Variants in UBR1 observed in about 807,000 individuals in gnomAD.
The protein encoded by UBR1 is ubiquitin protein ligase E3 component n-recognin 1.
A neutral mutation model predicts 242.1 loss-of-function variants in UBR1; 102 were observed. That is an observed-to-expected ratio of 0.42 (90% CI 0.36 to 0.50). UBR1 has a LOEUF of 0.50. UBR1 is among the 20% of genes least tolerant of loss of function. UBR1 has a pLI of 0.01. For synonymous variants in UBR1, 675 were observed against 684.8 expected, an observed-to-expected ratio of 0.99 and a Z score of 0.22; for missense variants, 1,772 against 2,101.8, an observed-to-expected ratio of 0.84 and a Z score of 3.07.
intron 35 of UBR1, among the ~76,000 whole-genome samples, chr15:42,985,773 G>A (rs2032449445): frequency 6.6e-6 from 1 of 151,988 alleles, no homozygotes. Context: ...AGGACTGCTT[G>A]AGCTCAGAAG....
intron 29 of UBR1, among the ~76,000 whole-genome samples, chr15:43,015,025 G>A (rs1256488103): frequency 6.6e-6 from 1 of 151,076 alleles, no homozygotes; most frequent in Non-Finnish European, 1.5e-5. Context: ...GGAGGTTGGG[G>A]GTCAGCCCCC....
intron 19 of UBR1, among the ~76,000 whole-genome samples, chr15:43,034,350 G>C (rs2033302023): frequency 6.6e-6 from 1 of 151,902 alleles, no homozygotes; most frequent in Non-Finnish European, 1.5e-5. Context: ...GCTGAGGTAA[G>C]AGAATCACTA....
intron 19 of UBR1, among the ~76,000 whole-genome samples, chr15:43,034,533 T>G (rs1323248680): frequency 6.6e-6 from 1 of 152,036 alleles, no homozygotes; most frequent in Non-Finnish European, 1.5e-5. Context: ...ATGTACATAC[T>G]GAAAGAGAGA....
intron 39 of UBR1, among the ~76,000 whole-genome samples, chr15:42,972,200 C>A (rs12440651): frequency 0.54 from 81,457 of 151,526 alleles, 26,525 homozygotes; most frequent in Non-Finnish European, 0.7. Context: ...CACCCTTACC[C>A]CTGGCAATCA....
intron 29 of UBR1, among the ~76,000 whole-genome samples, chr15:43,014,834 T>TG (rs199760106): frequency 7.0e-5 from 8 of 114,184 alleles, no homozygotes; most frequent in Non-Finnish European, 1.1e-4. Flanking sequence ...GGGAGGGAGG[T>TG]GGGGGTCAGC....
chr15:43,059,132 G>C lies in UBR1; in HGVS notation c.1046C>G (p.Pro349Arg). ...AAGCATTAACCTGCTTATGAGACAG[G>C]GATTCTCCGAGTCAGGTTCTTCTCT... ...CLREEPDSEN[P>R]CLISRLMLWD... The change falls in exon 9 of 47, where the codon CCC (proline) becomes CGC (arginine). Residue 349 changes from proline (P) to arginine (R), a missense_variant. Coordinates refer to ENST00000290650, the MANE Select transcript of UBR1 (RefSeq NM_174916.3). 1 of 1,614,044 alleles carries C rather than the reference G, an allele frequency of 6.2e-7. No individual in the cohort carries two copies. The highest frequency in any genetic ancestry group is 8.5e-7 in the Non-Finnish European group (1 of 1,180,008).
Position 43,086,121 on chromosome 15 carries a change from T to C in UBR1, c.201A>G (p.Gln67=), listed in dbSNP as rs775674116. The change falls in exon 2 of 47, where the codon CAA becomes CAG. Residue 67 remains glutamine (Q), a synonymous_variant. Transcript: ENST00000290650. The part of the protein sequence containing the change: ...PDLEKQEESV[Q]MSIFTPLEWY... ...ATTCCAGTGGAGTGAATATTGACAT[T>C]TGTACACTTTCCTCCTGCTTTTCCA... is the stretch of plus-strand genomic sequence containing the variant. 3.1e-6 allele frequency: 5 copies of C among 1,613,990 alleles called. No homozygotes were observed. Among genetic ancestry groups the C allele is most frequent in the Non-Finnish European group, 4.2e-6 (5 of 1,179,980 alleles).
intron 20 of UBR1, among the ~76,000 whole-genome samples, chr15:43,030,679 A>G (rs554592137): frequency 9.2e-5 from 14 of 152,328 alleles, no homozygotes; most frequent in African/African-American, 3.1e-4. Context: ...AATAGCTAAA[A>G]TAAGTATGAG....
chr15:43,095,269 G>GAAC (rs2034145611), intron 1 of UBR1, among the ~76,000 whole-genome samples: 2 of 152,156 alleles, frequency 1.3e-5, no homozygotes, highest in South Asian at 4.1e-4. Flanking sequence ...TTAAAAGGTG[G>GAAC]TCCATAAAGA....
chr15:43,017,116 C>G lies in UBR1; in HGVS notation c.3006G>C (p.Ser1002=). The change falls in exon 28 of 47, where the codon TCG becomes TCC. Residue 1002 remains serine, a synonymous_variant. Transcript: ENST00000290650. ...ATACCTCATCATTCTTAATAGATTC[C>G]GATCCTGATGTGGTTGCTACAATTA... ...SCLIVATTSG[S]ESIKNDEITH... The G allele has an allele frequency of 5.0e-6, 8 of 1,613,320 alleles. No individual in the cohort carries two copies. Among genetic ancestry groups the G allele is most frequent in the Non-Finnish European group, 5.9e-6 (7 of 1,179,470 alleles).
In UBR1 at chr15:42,945,142, C is replaced by T. The variant is rs111236961; in HGVS notation, c.*187G>A. The T allele has an allele frequency of 2.8e-6, 2 of 707,638 alleles. No homozygotes were observed. Among genetic ancestry groups the T allele is most frequent in the South Asian group, 1.8e-5 (1 of 54,986 alleles). 43.8% of individuals were successfully genotyped at this position (707,638 alleles called of 1,614,324 possible). A position where few individuals can be genotyped will look rare whatever the true frequency, so the allele number is the denominator to read the frequency against. On this transcript the variant is annotated 3_prime_UTR_variant, in exon 47 of 47. Transcript: ENST00000290650. The stretch of plus-strand genomic sequence containing the variant: ...ACAGATTGATCTATGTCCTTTTTTC[C>T]TGTGAAGCATATGTTTGCTAATTGA...
chr15:42,980,176 A>C (rs1261230608), intron 37 of UBR1, among the ~76,000 whole-genome samples: 1 of 152,100 alleles, frequency 6.6e-6, no homozygotes, highest in Admixed American at 6.5e-5. Context: ...CCAAAAGAAT[A>C]CTCTTTGTGT....
chr15:43,082,761 A>G lies in UBR1; in HGVS notation c.339-45T>C, dbSNP rs772313478. 1.0e-5 allele frequency: 14 copies of G among 1,391,264 alleles called. No individual in the cohort carries two copies. In the South Asian group the frequency reaches 1.6e-4, roughly 16 times the overall value. 86.2% of individuals were successfully genotyped at this position (1,391,264 alleles called of 1,614,324 possible). ...AGATTCCAAAATTTAGATGACTCCC[A>G]CTGATGCTCAAGGTATGACTATAAT... On this transcript the variant is annotated intron_variant, in intron 2 of 46. Transcript: ENST00000290650.
intron 41 of UBR1, 22 bp downstream of exon 41, chr15:42,966,131 A>ATGATT: frequency 6.2e-7 from 1 of 1,614,106 alleles, no homozygotes; most frequent in Non-Finnish European, 8.5e-7. Flanking sequence ...TTTCCACTCC[A>ATGATT]TGATTTCATT....
chr15:43,003,767 C>G, intron 31 of UBR1, 70 bp downstream of exon 31: 1 of 1,432,980 alleles, frequency 7.0e-7, no homozygotes. Flanking sequence ...GAAAACATGC[C>G]TTTTTGTGGC....
intron 6 of UBR1, among the ~76,000 whole-genome samples, chr15:43,066,621 G>A (rs1349206491): frequency 1.3e-5 from 2 of 152,018 alleles, no homozygotes; most frequent in African/African-American, 2.4e-5. Flanking sequence ...CCATTTGTTC[G>A]TGTCCTGTTG....
At chr15:43,078,379 C>T (rs1251768727) in intron 3 of UBR1, among the ~76,000 whole-genome samples, 3 of 152,176 alleles carry the variant, frequency 2.0e-5, no homozygotes, top group Non-Finnish European at 2.9e-5. Flanking sequence ...CCTCCCTTCA[C>T]ATCACCACCA....
At chr15:43,029,125 G>GCACACACACACACACACACACACACACA (rs144923922) in intron 21 of UBR1, among the ~76,000 whole-genome samples, 70 of 151,064 alleles carry the variant, frequency 4.6e-4, no homozygotes, top group Middle Eastern at 3.4e-3. Context: ...ACACACACAC[G>GCACACACACACACACACACACACACACA]CACACACACA....
intron 37 of UBR1, among the ~76,000 whole-genome samples, chr15:42,983,354 A>T (rs1446774637): frequency 6.6e-6 from 1 of 152,024 alleles, no homozygotes; most frequent in African/African-American, 2.4e-5. Flanking sequence ...GAAAATACAG[A>T]TTTTAAAAAT....
Sources: allele counts gnomAD v4.1 joint callset (sites outside exome capture counted in the v4.1 genomes callset), GRCh38; gene constraint gnomAD v4.1.1; transcripts MANE v1.5; gene names NCBI Gene and HGNC (gene_info 2026-07-23, HGNC 2026-07-21).